PLVAP: variants seen among roughly 807,000 people sequenced by gnomAD.
PLVAP encodes the protein plasmalemma vesicle associated protein.
Under a neutral mutation model 43.1 loss-of-function variants are expected in PLVAP, and 34 were observed. The observed-to-expected ratio is 0.79, with a 90% CI of 0.60 to 1.05. PLVAP has a LOEUF of 1.05. Among genes scored for constraint, PLVAP ranks in the 50% least tolerant of loss-of-function variants. The probability of loss-of-function intolerance (pLI) is 0.00; values close to 1 mark genes in which losing one functional copy is unlikely to be tolerated. For synonymous variants in PLVAP, 241 were observed against 237.3 expected (o/e 1.02, Z -0.14); for missense variants, 574 against 593.4 (o/e 0.97, Z 0.34).
intron 1 of PLVAP, among the ~76,000 whole-genome samples, chr19:17,374,452 G>A (rs1358151839): frequency 6.6e-6 from 1 of 151,758 alleles, no homozygotes; most frequent in Non-Finnish European, 1.5e-5. Context: ...GTGAAAGAGT[G>A]AGACTCCATC....
At chr19:17,363,390 C>A (rs1011640136) in intron 3 of PLVAP, among the ~76,000 whole-genome samples, 1 of 152,186 alleles carries the variant, frequency 6.6e-6, no homozygotes, top group Non-Finnish European at 1.5e-5. Context: ...TGGTCTCGAA[C>A]TCCTGACCTC....
At chr19:17,374,943 C>A (rs1452668540) in intron 1 of PLVAP, among the ~76,000 whole-genome samples, 4 of 152,044 alleles carry the variant, frequency 2.6e-5, no homozygotes, top group South Asian at 4.1e-4. Flanking sequence ...CTCAGCCTCC[C>A]GAGTAGCTGG....
At position 17,377,332 on chromosome 19, in the gene PLVAP, A is replaced by T; in HGVS notation, c.-44T>A. The T allele has an allele frequency of 6.7e-7, 1 of 1,490,338 alleles. No individual in the cohort carries two copies. 92.3% of individuals were successfully genotyped at this position (1,490,338 alleles called of 1,614,324 possible). A position where few individuals can be genotyped will look rare whatever the true frequency, so the allele number is the denominator to read the frequency against. ...CGGTGCACCGTCCCTGCTCACCACCAGGCCTGCTCTGGCCCCCGCCTCGCA... is the reference window on the plus strand; with the variant it reads ...CGGTGCACCGTCCCTGCTCACCACCTGGCCTGCTCTGGCCCCCGCCTCGCA... On this transcript the variant is annotated 5_prime_UTR_variant, in exon 1 of 6. Coordinates refer to ENST00000252590, the MANE Select transcript of PLVAP (RefSeq NM_031310.3).
chr19:17,352,447 G>T, intron 5 of PLVAP, 79 bp from the exon 6 acceptor site: 2 of 1,499,942 alleles, frequency 1.3e-6, no homozygotes, highest in Admixed American at 1.7e-5. Flanking sequence ...CTGGAGGCTC[G>T]TCCTCAGCGG....
intron 3 of PLVAP, among the ~76,000 whole-genome samples, chr19:17,362,938 C>T (rs1002708946): frequency 6.6e-6 from 1 of 152,084 alleles, no homozygotes; most frequent in Non-Finnish European, 1.5e-5. Flanking sequence ...AACACTAAAC[C>T]AACTCCCCGG....
intron 5 of PLVAP, among the ~76,000 whole-genome samples, chr19:17,357,286 T>G (rs1009607109): frequency 6.8e-6 from 1 of 146,364 alleles, no homozygotes; most frequent in African/African-American, 2.5e-5. Context: ...AGAGTGAGAG[T>G]CCATCTCAAA....
chr19:17,363,309 G>A (rs1456990975), intron 3 of PLVAP, among the ~76,000 whole-genome samples: 1 of 152,076 alleles, frequency 6.6e-6, no homozygotes, highest in East Asian at 1.9e-4. Context: ...TGGGATAACA[G>A]GTGTCTGCCA....
chr19:17,366,781 G>A (rs1365606306), intron 1 of PLVAP, among the ~76,000 whole-genome samples: 2 of 151,722 alleles, frequency 1.3e-5, no homozygotes, highest in Non-Finnish European at 1.5e-5. Context: ...ACAGGTGGCT[G>A]CCACCACGAC....
At chr19:17,368,508 G>A (rs1041911473) in intron 1 of PLVAP, among the ~76,000 whole-genome samples, 1 of 152,018 alleles carries the variant, frequency 6.6e-6, no homozygotes, top group African/African-American at 2.4e-5. Context: ...CACCTCTCCT[G>A]GCAGAAGTAG....
In PLVAP at chr19:17,377,241, G is replaced by GC. The variant is rs768884250; in HGVS notation, c.47dup (p.Ser17GlnfsTer106). The GC allele has an allele frequency of 2.5e-6, 4 of 1,614,006 alleles. No homozygotes were observed. The highest frequency in any genetic ancestry group is 1.7e-5 in the Admixed American group (1 of 60,018). On this transcript the variant is annotated frameshift_variant, in exon 1 of 6. Transcript: ENST00000252590. LOFTEE classifies it high-confidence loss of function. ...GGTAATACCAGCAGCCCCGAGAGCT[G>GC]CCCCCCGCCCGAGCGTAGGACCCTC...
intron 5 of PLVAP, among the ~76,000 whole-genome samples, chr19:17,356,672 A>T (rs2074507879): frequency 6.7e-6 from 1 of 149,806 alleles, no homozygotes; most frequent in South Asian, 2.2e-4. Context: ...AGAAGGAATA[A>T]GAGTGGGTCG....
At position 17,351,915 on chromosome 19, in the gene PLVAP, T is replaced by TCTGTGTGATGCCATCGCCGC. The variant is rs1382864310; in HGVS notation, c.*427_*446dup. The TCTGTGTGATGCCATCGCCGC allele has an allele frequency of 9.3e-6, 2 of 214,700 alleles. No individual in the cohort carries two copies. The highest frequency in any genetic ancestry group is 2.3e-5 in the African/African-American group (1 of 43,882). 13.3% of individuals were successfully genotyped at this position (214,700 alleles called of 1,614,324 possible). A position where few individuals can be genotyped will look rare whatever the true frequency, so the allele number is the denominator to read the frequency against. ...GTGTCTGTGTGTGACATCATCACCGTCTGTGTGATGCCATCGCCGCGTCTG... is the reference window on the plus strand; with the variant it reads ...GTGTCTGTGTGTGACATCATCACCGTCTGTGTGATGCCATCGCCGCCTGTGTGATGCCATCGCCGCGTCTG... On this transcript the variant is annotated 3_prime_UTR_variant, in exon 6 of 6. Transcript: ENST00000252590.
chr19:17,354,665 G>A (rs943677009), intron 5 of PLVAP, among the ~76,000 whole-genome samples: 7 of 150,590 alleles, frequency 4.6e-5, no homozygotes, highest in African/African-American at 9.8e-5. Flanking sequence ...TTGGGAGGCC[G>A]AGGCAGGCGG....
At chr19:17,361,660 A>G (rs570263995) in intron 3 of PLVAP, among the ~76,000 whole-genome samples, 10 of 152,276 alleles carry the variant, frequency 6.6e-5, no homozygotes, top group African/African-American at 2.2e-4. Context: ...TGAAAAGTCA[A>G]TCTCCCTTAG....
At chr19:17,364,616 C>G (rs904183430) in intron 3 of PLVAP, among the ~76,000 whole-genome samples, 1 of 152,056 alleles carries the variant, frequency 6.6e-6, no homozygotes, top group Non-Finnish European at 1.5e-5. Context: ...ATCTGTAGGG[C>G]GGACAGCCAC....
intron 1 of PLVAP, among the ~76,000 whole-genome samples, chr19:17,371,569 A>C (rs2074572288): frequency 6.6e-6 from 1 of 151,976 alleles, no homozygotes; most frequent in Non-Finnish European, 1.5e-5. Context: ...AGCTCACTGC[A>C]GCCTCAGCCT....
chr19:17,372,599 G>A (rs1344446824), intron 1 of PLVAP, among the ~76,000 whole-genome samples: 1 of 149,434 alleles, frequency 6.7e-6, no homozygotes, highest in Non-Finnish European at 1.5e-5. Context: ...TGGGACTACA[G>A]GCGCCCACCA....
At chr19:17,368,501 C>G (rs1199011580) in intron 1 of PLVAP, among the ~76,000 whole-genome samples, 3 of 152,092 alleles carry the variant, frequency 2.0e-5, no homozygotes, top group Non-Finnish European at 4.4e-5. Flanking sequence ...CGTGAGCCAC[C>G]TCTCCTGGCA....
rs551616340 is a variant in PLVAP at position 17,352,509 on chromosome 19, T to C, written c.1323-141A>G. On this transcript the variant is annotated intron_variant, in intron 5 of 5. Transcript: ENST00000252590. ...CCTGCCTCCTACCACCCTGGGCCCC[T>C]ACTTCTTCCTCAGAACCCCAGGGCT... The C allele has an allele frequency of 3.4e-5, 31 of 899,736 alleles. No homozygotes were observed. In the East Asian group the frequency reaches 7.7e-4, roughly 22 times the overall value. 55.7% of individuals were successfully genotyped at this position (899,736 alleles called of 1,614,324 possible).
Sources: gnomAD v4.1 joint callset for allele counts (sites outside exome capture counted in the v4.1 genomes callset) on GRCh38, gnomAD v4.1.1 for gene constraint, MANE v1.5 for transcripts, NCBI Gene and HGNC (gene_info 2026-07-23, HGNC 2026-07-21) for gene names.